Variants in METAP1D observed in about 807,000 individuals in gnomAD.
METAP1D encodes the protein methionyl aminopeptidase type 1D, mitochondrial, also known as methionine aminopeptidase 1D, mitochondrial.
METAP1D carries 31 observed loss-of-function variants against 40.5 expected under a neutral mutation model. The observed-to-expected ratio is 0.77, with a 90% CI of 0.58 to 1.03. The LOEUF (loss-of-function observed/expected upper bound fraction) is 1.03, where lower values mean the gene tolerates loss of function less well. Among genes scored for constraint, METAP1D ranks in the 50% least tolerant of loss-of-function variants. The pLI is 0.00. For missense variants in METAP1D, 411 were observed against 420.7 expected (o/e 0.98, Z 0.20); for synonymous variants, 151 against 146.4 (o/e 1.03, Z -0.22).
rs1216268033 is a variant in METAP1D at position 172,016,301 on chromosome 2, ATATATATATAT to A, written c.40+16293_40+16303del. On this transcript the variant is annotated intron_variant, in intron 1 of 9. Transcript: ENST00000315796. ...AAAAAAAAAAAAAAAAAAAAAAAAA[ATATATATATAT>A]ATATATATATATATATATAAATAGT... 4.7e-4 allele frequency among the ~76,000 whole-genome samples: 16 copies of A among 33,996 alleles called. 1 individual carries two copies. The highest frequency in any genetic ancestry group is 1.4e-3 in the Admixed American group (3 of 2,150). 22.3% of individuals were successfully genotyped at this position (33,996 alleles called of 152,430 possible). A position where few individuals can be genotyped will look rare whatever the true frequency, so the allele number is the denominator to read the frequency against.
intron 1 of METAP1D, among the ~76,000 whole-genome samples, chr2:172,020,410 C>T (rs1432557615): frequency 6.6e-6 from 1 of 151,972 alleles, no homozygotes; most frequent in Non-Finnish European, 1.5e-5. Context: ...TTAAAAACAA[C>T]AACAAAAAAA....
At chr2:172,023,895 C>G (rs2105400908) in intron 1 of METAP1D, among the ~76,000 whole-genome samples, 1 of 148,074 alleles carries the variant, frequency 6.8e-6, no homozygotes, top group Non-Finnish European at 1.5e-5. Flanking sequence ...TGCTCTGTCA[C>G]CCAGGCTGGA....
chr2:172,069,631 C>CT (rs1409140109), intron 5 of METAP1D, among the ~76,000 whole-genome samples: 6 of 152,138 alleles, frequency 3.9e-5, no homozygotes, highest in Non-Finnish European at 7.4e-5. Flanking sequence ...AAAACTCATA[C>CT]TTTCCTGGAT....
At chr2:172,045,797 ATGTGTGTGTG>A (rs763858243) in intron 1 of METAP1D, among the ~76,000 whole-genome samples, 2,262 of 31,060 alleles carry the variant, frequency 0.073, 223 homozygotes, top group South Asian at 0.19. Context: ...ATATGTATAT[ATGTGTGTGTG>A]TGTGTGTGTG....
At chr2:172,011,188 A>T (rs1302104422) in intron 1 of METAP1D, among the ~76,000 whole-genome samples, 1 of 151,752 alleles carries the variant, frequency 6.6e-6, no homozygotes, top group Non-Finnish European at 1.5e-5. Flanking sequence ...TCAGTTTTAC[A>T]TTTTTATCAC....
chr2:172,000,680 A>G (rs1688439954), intron 1 of METAP1D, among the ~76,000 whole-genome samples: 1 of 152,190 alleles, frequency 6.6e-6, no homozygotes, highest in Non-Finnish European at 1.5e-5. Flanking sequence ...GAGCTACTTA[A>G]GCGTCAGGCA....
At chr2:172,044,404 C>CAAAAAAAAAAA (rs782088377) in intron 1 of METAP1D, among the ~76,000 whole-genome samples, 2 of 69,210 alleles carry the variant, frequency 2.9e-5, no homozygotes, top group African/African-American at 4.3e-5. Context: ...CTTAAAAATA[C>CAAAAAAAAAAA]AAAAAAAAAA....
chr2:172,009,619 A>G (rs1209194787), intron 1 of METAP1D, among the ~76,000 whole-genome samples: 1 of 152,222 alleles, frequency 6.6e-6, no homozygotes, highest in Non-Finnish European at 1.5e-5. Flanking sequence ...CAGAAGTAGC[A>G]TTTCTAATAT....
chr2:172,070,805 G>A (rs1690402072), intron 5 of METAP1D, 102 bp from the exon 6 acceptor site: 2 of 914,190 alleles, frequency 2.2e-6, no homozygotes, highest in Admixed American at 2.9e-5. Context: ...TTCTGGAAGG[G>A]TAAAACATGA....
chr2:172,007,059 T>G (rs1688602629), intron 1 of METAP1D, among the ~76,000 whole-genome samples: 1 of 152,160 alleles, frequency 6.6e-6, no homozygotes, highest in African/African-American at 2.4e-5. Context: ...TTTAAAAATC[T>G]GTTAATTTTA....
At chr2:172,055,549 GACCATTATCTTCTAAAGGT>G (rs1689984528) in intron 1 of METAP1D, among the ~76,000 whole-genome samples, 1 of 152,104 alleles carries the variant, frequency 6.6e-6, no homozygotes, top group Non-Finnish European at 1.5e-5. Context: ...CTAGTTGGAG[GACCATTATCTTCTAAAGGT>G]ACCATGACTT....
At chr2:172,057,613 C>G (rs768424241) in intron 1 of METAP1D, among the ~76,000 whole-genome samples, 3 of 152,126 alleles carry the variant, frequency 2.0e-5, no homozygotes, top group Non-Finnish European at 2.9e-5. Flanking sequence ...TTTTGTGATG[C>G]CTTTTCAATT....
At chr2:172,008,121 T>C (rs1392481260) in intron 1 of METAP1D, among the ~76,000 whole-genome samples, 1 of 151,920 alleles carries the variant, frequency 6.6e-6, no homozygotes, top group African/African-American at 2.4e-5. Context: ...GATGGTATTA[T>C]ATTCCACAGG....
At chr2:172,022,504 GA>G (rs1689030983) in intron 1 of METAP1D, among the ~76,000 whole-genome samples, 1 of 152,024 alleles carries the variant, frequency 6.6e-6, no homozygotes, top group African/African-American at 2.4e-5. Flanking sequence ...AAACAAATAA[GA>G]AAAAAGATGC....
chr2:172,053,671 T>C (rs996799138), intron 1 of METAP1D, among the ~76,000 whole-genome samples: 23 of 152,344 alleles, frequency 1.5e-4, no homozygotes, highest in African/African-American at 4.8e-4. Flanking sequence ...TACTGATCAT[T>C]ATGAAAAAAT....
intron 7 of METAP1D, among the ~76,000 whole-genome samples, chr2:172,078,901 A>G (rs940239104): frequency 1.3e-5 from 2 of 152,174 alleles, no homozygotes; most frequent in Non-Finnish European, 2.9e-5. Context: ...GAGACCTAGT[A>G]GCCTGGGGGA....
chr2:172,050,977 C>CTA (rs2105458202), intron 1 of METAP1D, among the ~76,000 whole-genome samples: 1 of 152,228 alleles, frequency 6.6e-6, no homozygotes, highest in African/African-American at 2.4e-5. Context: ...TGTTGAAGTG[C>CTA]TAAAAAGCTG....
chr2:172,043,615 G>T (rs962364719), intron 1 of METAP1D, among the ~76,000 whole-genome samples: 1 of 134,252 alleles, frequency 7.4e-6, no homozygotes, highest in African/African-American at 2.5e-5. Context: ...ATATTTAATA[G>T]CATTATATTC....
intron 1 of METAP1D, among the ~76,000 whole-genome samples, chr2:172,045,817 GTGTA>G (rs1308456446): frequency 3.4e-3 from 55 of 16,322 alleles, no homozygotes; most frequent in East Asian, 8.5e-3. Flanking sequence ...GTGTGTGTGT[GTGTA>G]TATATATATA....
Sources: gnomAD v4.1 joint callset for allele counts (sites outside exome capture counted in the v4.1 genomes callset) on GRCh38, gnomAD v4.1.1 for gene constraint, MANE v1.5 for transcripts, NCBI Gene and HGNC (gene_info 2026-07-23, HGNC 2026-07-21) for gene names.